The following PRPF3 variants were observed in gnomAD, a reference collection of about 807,000 sequenced individuals.
PRPF3 encodes pre-mRNA processing factor 3, also known as U4/U6 small nuclear ribonucleoprotein Prp3.
In PRPF3, 3 loss-of-function variants were observed where a neutral mutation model predicts 89.2. The ratio of observed to expected loss-of-function variants is 0.03; its 90% CI spans 0.02 to 0.09. The LOEUF (loss-of-function observed/expected upper bound fraction) is 0.09. PRPF3 is among the 10% of genes least tolerant of loss of function. The pLI is 1.00. For synonymous variants in PRPF3, 270 were observed against 289.1 expected (o/e 0.93, Z 0.67); for missense variants, 463 against 828.8 (o/e 0.56, Z 5.42).
rs1553868802 is a variant in PRPF3 at position 150,338,251 on chromosome 1, A to C, written c.1127A>C (p.Lys376Thr). Reference protein sequence around the residue: ...TSTRLALIAPKKELKEGDIPE... With the variant: ...TSTRLALIAPTKELKEGDIPE... ...ACTAGGCTTGCCCTCATTGCTCCTA[A>C]GAAGGAGCTAAAGGAAGGAGATATT... Residue 376 changes from lysine to threonine, a missense_variant, in exon 8 of 16, where the codon AAG (lysine) becomes ACG (threonine). This residue lies in a region of PRPF3 where 261 missense variants were observed against 475.8 expected (regional missense o/e 0.55). Coordinates refer to ENST00000324862, the MANE Select transcript of PRPF3 (RefSeq NM_004698.4). 1 of 1,613,758 alleles carries C rather than the reference A, an allele frequency of 6.2e-7. No individual in the cohort carries two copies. The highest frequency in any genetic ancestry group is 8.5e-7 in the Non-Finnish European group (1 of 1,179,678).
intron 11 of PRPF3, 45 bp from the exon 12 acceptor site, chr1:150,344,389 C>G: frequency 6.2e-7 from 1 of 1,614,162 alleles, no homozygotes; most frequent in Non-Finnish European, 8.5e-7. Context: ...TGCCTCTGAT[C>G]TTCAATGCCT....
chr1:150,342,689 A>C (rs1422722213), intron 9 of PRPF3, among the ~76,000 whole-genome samples: 7 of 151,874 alleles, frequency 4.6e-5, no homozygotes, highest in East Asian at 2.0e-4. Flanking sequence ...CGCCCAGCTA[A>C]TTTTTGTATT....
intron 8 of PRPF3, among the ~76,000 whole-genome samples, chr1:150,338,991 G>A (rs782724830): frequency 6.6e-6 from 1 of 151,874 alleles, no homozygotes; most frequent in African/African-American, 2.4e-5. Context: ...CTTTTGCTAC[G>A]TATTATAGGT....
intron 2 of PRPF3, 65 bp downstream of exon 2, chr1:150,325,152 C>G: frequency 6.4e-7 from 1 of 1,569,202 alleles, no homozygotes; most frequent in Non-Finnish European, 8.7e-7. Flanking sequence ...CTTTGAACTT[C>G]CTCAAAATTC....
intron 14 of PRPF3, among the ~76,000 whole-genome samples, chr1:150,348,346 C>T (rs587681382): frequency 4.6e-5 from 7 of 151,836 alleles, no homozygotes; most frequent in Admixed American, 1.3e-4. Flanking sequence ...CACTTCACTC[C>T]AGCCTGAGTG....
chr1:150,349,258 A>G (rs1658645957), intron 15 of PRPF3, 40 bp downstream of exon 15: 1 of 1,417,926 alleles, frequency 7.1e-7, no homozygotes, highest in African/African-American at 1.4e-5. Context: ...ACTTTAGCCA[A>G]CTCCTGAATA....
At chr1:150,324,204 G>T (rs1172334372) in intron 1 of PRPF3, among the ~76,000 whole-genome samples, 1 of 152,198 alleles carries the variant, frequency 6.6e-6, no homozygotes, top group Non-Finnish European at 1.5e-5. Flanking sequence ...GTTAGGGAAT[G>T]CCTGCCTGGA....
chr1:150,349,184 T>C lies in PRPF3; in HGVS notation c.1871T>C (p.Val624Ala). ...GATGAGGAGTCTGATGAGGAAGCTGTGAAGAAAACCAACAAATGTGTACTA... is the reference window on the plus strand; with the variant it reads ...GATGAGGAGTCTGATGAGGAAGCTGCGAAGAAAACCAACAAATGTGTACTA... The part of the protein sequence containing the change: ...DDDEESDEEA[V>A]KKTNKCVLVW... Residue 624 changes from valine (V) to alanine (A), a missense_variant, in exon 15 of 16, where the codon GTG (valine) becomes GCG (alanine). By Grantham distance (64) the Val-to-Ala change is moderately conservative. Coordinates refer to ENST00000324862, the MANE Select transcript of PRPF3 (RefSeq NM_004698.4). 1.2e-6 allele frequency: 2 copies of C among 1,613,970 alleles called. No individual in the cohort carries two copies. The highest frequency in any genetic ancestry group is 1.7e-6 in the Non-Finnish European group (2 of 1,179,918).
intron 7 of PRPF3, among the ~76,000 whole-genome samples, chr1:150,335,837 C>T (rs142893220): frequency 0.082 from 12,269 of 149,910 alleles, 668 homozygotes; most frequent in Non-Finnish European, 0.12. Context: ...GGTACAGTCT[C>T]AGCTCACTGC....
At chr1:150,323,009 G>A (rs1388880344) in intron 1 of PRPF3, among the ~76,000 whole-genome samples, 2 of 151,424 alleles carry the variant, frequency 1.3e-5, no homozygotes, top group Non-Finnish European at 2.9e-5. Flanking sequence ...AGAGTAGCTG[G>A]GATTACAGGT....
chr1:150,352,750 A>G, intron 15 of PRPF3, 83 bp from the exon 16 acceptor site: 1 of 1,464,984 alleles, frequency 6.8e-7, no homozygotes, highest in Non-Finnish European at 9.4e-7. Flanking sequence ...TGTCTCACAA[A>G]TGTTACTAGG....
Position 150,344,449 on chromosome 1 carries a change from C to T in PRPF3, c.1542C>T (p.Ala514=). The T allele has an allele frequency of 6.2e-7, 1 of 1,614,048 alleles. No individual in the cohort carries two copies. Among genetic ancestry groups the T allele is most frequent in the Non-Finnish European group, 8.5e-7 (1 of 1,180,010 alleles). ...GTCACGACAGAGCGCATGAAGAGGCCAACGCTGCCCGAAAACTCACAGCAG... is the reference window on the plus strand; with the variant it reads ...GTCACGACAGAGCGCATGAAGAGGCTAACGCTGCCCGAAAACTCACAGCAG... ...MAKRQKAHEE[A]NAARKLTAEQ... is the part of the protein sequence containing the mutation. The change falls in exon 12 of 16, where the codon GCC becomes GCT. Residue 514 remains alanine, a synonymous_variant. Transcript: ENST00000324862.
Position 150,348,830 on chromosome 1 carries a change from A to T in PRPF3, c.1844-327A>T, listed in dbSNP as rs956998579. 6 of 340,666 alleles carry T rather than the reference A, an allele frequency of 1.8e-5. No individual in the cohort carries two copies. The East Asian group carries it at 4.3e-4, about 24-fold the overall frequency. 21.1% of individuals were successfully genotyped at this position (340,666 alleles called of 1,614,324 possible). A position where few individuals can be genotyped will look rare whatever the true frequency, so the allele number is the denominator to read the frequency against. ...GAAAGTTTTTTGAGAGTAATATATG[A>T]TGTTGACATATGAAGCCTGCCTCCC... On this transcript the variant is annotated intron_variant, in intron 14 of 15. Transcript: ENST00000324862.
intron 15 of PRPF3, among the ~76,000 whole-genome samples, chr1:150,350,345 G>T (rs1658797276): frequency 1.3e-5 from 2 of 152,008 alleles, no homozygotes; most frequent in African/African-American, 4.8e-5. Context: ...GGAATTACAG[G>T]CATGAGCCAC....
intron 7 of PRPF3, among the ~76,000 whole-genome samples, chr1:150,336,907 T>C (rs1008480024): frequency 6.6e-6 from 1 of 151,896 alleles, no homozygotes; most frequent in Non-Finnish European, 1.5e-5. Flanking sequence ...TTTGAAACAT[T>C]CTGAGTGACT....
chr1:150,335,684 C>T (rs1015059668), intron 7 of PRPF3, among the ~76,000 whole-genome samples: 1 of 151,548 alleles, frequency 6.6e-6, no homozygotes. Context: ...AGGCTGGTCT[C>T]GAACTCCTGA....
At chr1:150,341,038 G>A (rs139590371) in intron 9 of PRPF3, among the ~76,000 whole-genome samples, 2,064 of 150,030 alleles carry the variant, frequency 0.014, 52 homozygotes, top group African/African-American at 0.048. Flanking sequence ...CCTGGGAGGT[G>A]GAAGTTGCAG....
At chr1:150,348,459 CATTTTT>C (rs1324474358) in intron 14 of PRPF3, among the ~76,000 whole-genome samples, 1 of 34,826 alleles carries the variant, frequency 2.9e-5, no homozygotes, top group African/African-American at 9.4e-5. Context: ...TCTACACGTG[CATTTTT>C]TTTTTTTTTT....
At chr1:150,344,308 C>A in intron 11 of PRPF3, 47 bp downstream of exon 11, 6 of 1,613,806 alleles carry the variant, frequency 3.7e-6, no homozygotes, top group Non-Finnish European at 5.1e-6. Flanking sequence ...GTACCTTTCC[C>A]AAACTCTTCT....
Sources: allele counts gnomAD v4.1 joint callset (sites outside exome capture counted in the v4.1 genomes callset), GRCh38; gene constraint gnomAD v4.1.1; regional missense constraint gnomAD v4.1.1; transcripts MANE v1.5; gene names NCBI Gene and HGNC (gene_info 2026-07-23, HGNC 2026-07-21).